MYRIP: variants seen among roughly 807,000 people sequenced by gnomAD.
MYRIP encodes myosin VIIA and Rab interacting protein, also known as rab effector MyRIP.
MYRIP carries 49 observed loss-of-function variants against 98.0 expected under a neutral mutation model. The observed-to-expected ratio is 0.50, with a 90% CI of 0.40 to 0.63. MYRIP has a LOEUF of 0.63. Ranked by LOEUF, MYRIP falls within the 30% of genes least tolerant of loss-of-function variation. The pLI is 0.00. For missense variants in MYRIP, 1,004 were observed against 1,058.2 expected (o/e 0.95, Z 0.71); for synonymous variants, 404 against 409.5 (o/e 0.99, Z 0.16).
In MYRIP at chr3:40,044,100, C is replaced by T. The variant is rs753532246; in HGVS notation, c.161C>T (p.Ser54Leu). 3.1e-6 allele frequency: 5 copies of T among 1,614,002 alleles called. No individual in the cohort carries two copies. The highest frequency in any genetic ancestry group is 2.2e-5 in the East Asian group (1 of 44,842). Residue 54 changes from serine (S) to leucine (L), a missense_variant, in exon 3 of 17, where the codon TCG becomes TTG. Around this residue, in one of 3 missense-constraint regions of MYRIP, gnomAD observed 880 missense variants for 907.7 expected, o/e 0.97. Coordinates refer to ENST00000302541, the MANE Select transcript of MYRIP (RefSeq NM_015460.4). Reference sequence around the variant, plus strand: ...GAAGGCAGCAAGTGCAGCATCCTCTCGAAGCACCAGCAGTTTGTGGAGCAC... The same window carrying T: ...GAAGGCAGCAAGTGCAGCATCCTCTTGAAGCACCAGCAGTTTGTGGAGCAC... ...DEEGSKCSIL[S>L]KHQQFVEHCC...
chr3:40,126,122 C>T (rs552093293), intron 3 of MYRIP, among the ~76,000 whole-genome samples: 5 of 152,192 alleles, frequency 3.3e-5, no homozygotes, highest in Non-Finnish European at 7.3e-5. Context: ...GGGCTCTTAA[C>T]GACCTGCCCA....
At chr3:40,009,310 C>T (rs548144464) in intron 2 of MYRIP, among the ~76,000 whole-genome samples, 1 of 147,260 alleles carries the variant, frequency 6.8e-6, no homozygotes, top group South Asian at 2.2e-4. Context: ...GATCTCGGCT[C>T]CCTGCAAGCT....
intron 2 of MYRIP, among the ~76,000 whole-genome samples, chr3:39,986,237 C>A (rs1175404863): frequency 6.6e-6 from 1 of 152,206 alleles, no homozygotes; most frequent in Non-Finnish European, 1.5e-5. Flanking sequence ...TCATTAGAGT[C>A]AGAGCACATG....
intron 3 of MYRIP, among the ~76,000 whole-genome samples, chr3:40,044,964 C>T (rs1392115058): frequency 6.6e-6 from 1 of 152,178 alleles, no homozygotes; most frequent in Admixed American, 6.5e-5. Context: ...TATTTGGAAA[C>T]TGATGAGTAT....
chr3:39,874,247 C>T (rs1942904706), intron 1 of MYRIP, among the ~76,000 whole-genome samples: 1 of 152,126 alleles, frequency 6.6e-6, no homozygotes, highest in Admixed American at 6.5e-5. Flanking sequence ...TGGGCTGAGA[C>T]AATGGGGTTT....
At chr3:39,985,082 T>A (rs567254701) in intron 2 of MYRIP, among the ~76,000 whole-genome samples, 9 of 152,074 alleles carry the variant, frequency 5.9e-5, no homozygotes, top group African/African-American at 2.2e-4. Context: ...TTTTGTTTTT[T>A]TCTTGTAAAT....
intron 2 of MYRIP, among the ~76,000 whole-genome samples, 197 bp from the exon 3 acceptor site, chr3:40,043,853 A>T (rs1947604211): frequency 6.6e-6 from 1 of 152,232 alleles, no homozygotes; most frequent in South Asian, 2.1e-4. Context: ...GGAGTACACA[A>T]AACTAATCTA....
chr3:39,969,705 G>T (rs1019538733), intron 2 of MYRIP, among the ~76,000 whole-genome samples: 1 of 152,084 alleles, frequency 6.6e-6, no homozygotes, highest in Admixed American at 6.6e-5. Context: ...TTTTTGTTAC[G>T]CTGCTGGATT....
intron 3 of MYRIP, among the ~76,000 whole-genome samples, chr3:40,134,758 T>C (rs560057773): frequency 6.6e-6 from 1 of 152,308 alleles, no homozygotes; most frequent in African/African-American, 2.4e-5. Context: ...CCGCTGCTGA[T>C]ACCCAGGCAA....
At chr3:40,126,392 C>T (rs1045417047) in intron 3 of MYRIP, among the ~76,000 whole-genome samples, 12 of 152,188 alleles carry the variant, frequency 7.9e-5, no homozygotes, top group African/African-American at 2.9e-4. Flanking sequence ...AACACATTTC[C>T]AGCCAAGTCT....
chr3:39,958,558 C>T (rs1945235143), intron 2 of MYRIP, among the ~76,000 whole-genome samples: 1 of 152,200 alleles, frequency 6.6e-6, no homozygotes, highest in South Asian at 2.1e-4. Flanking sequence ...AAATGTTAGA[C>T]CTAAATCCAT....
chr3:40,217,394 G>A (rs575899124), intron 11 of MYRIP, among the ~76,000 whole-genome samples: 13 of 152,212 alleles, frequency 8.5e-5, no homozygotes, highest in African/African-American at 2.4e-4. Context: ...CAGACAGGAT[G>A]TAGTCTAAGA....
intron 2 of MYRIP, among the ~76,000 whole-genome samples, chr3:39,940,870 T>G (rs1201825369): frequency 2.0e-5 from 3 of 152,186 alleles, no homozygotes. Context: ...AAATAAAAAT[T>G]ATATCTAATT....
intron 1 of MYRIP, among the ~76,000 whole-genome samples, chr3:39,887,495 T>G (rs1027297833): frequency 2.6e-5 from 4 of 152,114 alleles, no homozygotes; most frequent in Admixed American, 2.6e-4. Context: ...TGCTAAAAAC[T>G]CTCAATAAAT....
intron 1 of MYRIP, among the ~76,000 whole-genome samples, chr3:39,856,603 C>T (rs1319522004): frequency 6.6e-6 from 1 of 152,202 alleles, no homozygotes; most frequent in East Asian, 1.9e-4. Context: ...AGAGCCCAAC[C>T]AGCGGAGCTA....
At chr3:40,155,747 G>A (rs1270720324) in intron 4 of MYRIP, among the ~76,000 whole-genome samples, 2 of 151,932 alleles carry the variant, frequency 1.3e-5, no homozygotes, top group East Asian at 3.9e-4. Context: ...GGCCAGTGAT[G>A]GCGAGCATTT....
At chr3:39,897,255 T>C (rs1320756902) in intron 1 of MYRIP, among the ~76,000 whole-genome samples, 1 of 152,178 alleles carries the variant, frequency 6.6e-6, no homozygotes. Context: ...TTGATTCTGA[T>C]AGACTTCCCA....
intron 11 of MYRIP, among the ~76,000 whole-genome samples, chr3:40,224,809 G>C (rs554706393): frequency 2.7e-4 from 41 of 152,328 alleles, no homozygotes; most frequent in African/African-American, 9.6e-4. Flanking sequence ...ATGTTTCAGT[G>C]CATTACATAT....
intron 2 of MYRIP, among the ~76,000 whole-genome samples, chr3:39,987,402 T>C (rs1946057218): frequency 6.6e-6 from 1 of 152,228 alleles, no homozygotes; most frequent in Admixed American, 6.5e-5. Flanking sequence ...TTATCCAGTT[T>C]ATCATTGATG....
Sources: allele counts gnomAD v4.1 joint callset (sites outside exome capture counted in the v4.1 genomes callset), GRCh38; gene constraint gnomAD v4.1.1; regional missense constraint gnomAD v4.1.1; transcripts MANE v1.5; gene names NCBI Gene and HGNC (gene_info 2026-07-23, HGNC 2026-07-21).